The following XYLT1 variants were observed in gnomAD, a reference collection of about 807,000 sequenced individuals.
The protein encoded by XYLT1 is xylosyltransferase 1.
In XYLT1, 36 loss-of-function variants were observed where a neutral mutation model predicts 91.3. The ratio of observed to expected loss-of-function variants is 0.39; its 90% CI spans 0.30 to 0.52. The LOEUF is 0.52. Ranked by LOEUF, XYLT1 falls within the 20% of genes least tolerant of loss-of-function variation. The pLI is 0.68. For synonymous variants in XYLT1, 588 were observed against 532.0 expected, an observed-to-expected ratio of 1.11 and a Z score of -1.45; for missense variants, 1,242 against 1,284.5, an observed-to-expected ratio of 0.97 and a Z score of 0.51.
chr16:17,351,657 A>T (rs1042197182), intron 2 of XYLT1, among the ~76,000 whole-genome samples: 9 of 151,712 alleles, frequency 5.9e-5, no homozygotes, highest in Non-Finnish European at 1.2e-4. Flanking sequence ...TATGGCTGGA[A>T]GTGTCTTTGT....
intron 8 of XYLT1, 100 bp downstream of exon 8, chr16:17,138,255 C>CCATGTGATAAGATGACCTGCAGGT: frequency 7.0e-7 from 1 of 1,426,134 alleles, no homozygotes; most frequent in Non-Finnish European, 9.6e-7. Flanking sequence ...GGTTTGGGCA[C>CCATGTGATAAGATGACCTGCAGGT]CATGTGATAA....
chr16:17,258,655 C>G (rs2033671806), intron 3 of XYLT1, among the ~76,000 whole-genome samples: 1 of 152,176 alleles, frequency 6.6e-6, no homozygotes, highest in South Asian at 2.1e-4. Flanking sequence ...TCCCAATATT[C>G]TACTGAAAGA....
chr16:17,255,412 T>G (rs2033616340), intron 3 of XYLT1, among the ~76,000 whole-genome samples: 2 of 152,172 alleles, frequency 1.3e-5, no homozygotes, highest in Admixed American at 6.5e-5. Flanking sequence ...TGACAAAGAC[T>G]GGCCCCCAAA....
At chr16:17,297,147 A>G (rs577168285) in intron 2 of XYLT1, among the ~76,000 whole-genome samples, 1 of 152,350 alleles carries the variant, frequency 6.6e-6, no homozygotes, top group African/African-American at 2.4e-5. Context: ...CAAAGGATAA[A>G]GCACTTGCTT....
intron 2 of XYLT1, among the ~76,000 whole-genome samples, chr16:17,332,260 G>A (rs2034908974): frequency 6.6e-6 from 1 of 152,188 alleles, no homozygotes; most frequent in South Asian, 2.1e-4. Context: ...GTGAAGTGGA[G>A]GCGATCAAAA....
At chr16:17,278,217 T>C (rs746186311) in intron 2 of XYLT1, among the ~76,000 whole-genome samples, 6 of 152,130 alleles carry the variant, frequency 3.9e-5, no homozygotes, top group Admixed American at 2.0e-4. Flanking sequence ...CTCCCTTTAG[T>C]CCTCAAAGGA....
At chr16:17,138,726 T>G (rs934584275) in intron 7 of XYLT1, 195 bp from the exon 8 acceptor site, 22 of 561,782 alleles carry the variant, frequency 3.9e-5, no homozygotes, top group Non-Finnish European at 6.1e-5. Context: ...CTTTTCTTTA[T>G]AAATTACCAA....
At chr16:17,382,089 T>C (rs577866120) in intron 1 of XYLT1, among the ~76,000 whole-genome samples, 2 of 151,896 alleles carry the variant, frequency 1.3e-5, no homozygotes, top group East Asian at 2.0e-4. Flanking sequence ...CCTCCCTCAA[T>C]TGTCATTGGA....
intron 1 of XYLT1, among the ~76,000 whole-genome samples, chr16:17,415,677 G>A (rs1420366397): frequency 6.6e-6 from 1 of 152,094 alleles, no homozygotes. Flanking sequence ...GGGCTACAGA[G>A]TGAGACTCTG....
intron 2 of XYLT1, among the ~76,000 whole-genome samples, chr16:17,355,785 C>A (rs1392002316): frequency 1.3e-5 from 2 of 152,148 alleles, no homozygotes; most frequent in African/African-American, 4.8e-5. Context: ...TCTTGGCTCA[C>A]TGCAGCCTCT....
chr16:17,254,097 G>C (rs553367216), intron 3 of XYLT1, among the ~76,000 whole-genome samples: 1 of 152,326 alleles, frequency 6.6e-6, no homozygotes, highest in East Asian at 1.9e-4. Context: ...TGTAGGGCTG[G>C]TGTGGGGACA....
At chr16:17,422,037 C>T (rs1206889555) in intron 1 of XYLT1, among the ~76,000 whole-genome samples, 1 of 151,992 alleles carries the variant, frequency 6.6e-6, no homozygotes, top group East Asian at 1.9e-4. Flanking sequence ...GGCTGGAGTG[C>T]AATGGCATGA....
chr16:17,411,649 AT>A (rs2036109716), intron 1 of XYLT1, among the ~76,000 whole-genome samples: 2 of 152,172 alleles, frequency 1.3e-5, no homozygotes, highest in South Asian at 4.1e-4. Context: ...GGGGTCACTG[AT>A]CAAGAGGGTG....
chr16:17,108,919 C>T lies in XYLT1; in HGVS notation c.2656G>A (p.Ala886Thr), dbSNP rs143481827. The T allele has an allele frequency of 2.2e-5, 36 of 1,601,574 alleles. No individual in the cohort carries two copies. The highest frequency in any genetic ancestry group is 1.7e-4 in the Middle Eastern group (1 of 6,040). The change falls in exon 12 of 12, where the codon GCC becomes ACC. Residue 886 changes from alanine (A) to threonine (T), a missense_variant. Ala to Thr is a moderately conservative substitution (Grantham distance 58). Transcript: ENST00000261381. ...TTCCTCCGTGCCTGTTCCACCTGGG[C>T]GGGGTTGATGGGCAGGCTGAGGACG... is the stretch of plus-strand genomic sequence containing the variant. ...NPVLSLPINP[A>T]QVEQARRNAA...
At chr16:17,226,592 A>G (rs887008446) in intron 3 of XYLT1, among the ~76,000 whole-genome samples, 9 of 152,320 alleles carry the variant, frequency 5.9e-5, no homozygotes, top group East Asian at 1.9e-4. Flanking sequence ...GTTTGAGACA[A>G]GCCTGGCCAA....
intron 6 of XYLT1, among the ~76,000 whole-genome samples, chr16:17,150,338 A>T (rs1445356823): frequency 1.3e-5 from 2 of 152,206 alleles, no homozygotes; most frequent in African/African-American, 4.8e-5. Flanking sequence ...AGAATGCTTG[A>T]GGAATTCATT....
intron 3 of XYLT1, among the ~76,000 whole-genome samples, chr16:17,233,790 C>A (rs1018043077): frequency 1.3e-5 from 2 of 152,192 alleles, no homozygotes; most frequent in African/African-American, 4.8e-5. Context: ...GCAGCTTCTA[C>A]CTGCCTACTC....
intron 5 of XYLT1, among the ~76,000 whole-genome samples, chr16:17,194,729 C>T (rs1179209844): frequency 6.6e-6 from 1 of 152,206 alleles, no homozygotes; most frequent in Non-Finnish European, 1.5e-5. Context: ...GAAGGAATAC[C>T]AACTTTGCAA....
chr16:17,294,793 T>G (rs1351488090), intron 2 of XYLT1, among the ~76,000 whole-genome samples: 1 of 151,684 alleles, frequency 6.6e-6, no homozygotes, highest in African/African-American at 2.4e-5. Context: ...AGTTCTAGGG[T>G]CGTTTGGGGC....
Sources: gnomAD v4.1 joint callset for allele counts (sites outside exome capture counted in the v4.1 genomes callset) on GRCh38, gnomAD v4.1.1 for gene constraint, MANE v1.5 for transcripts, NCBI Gene and HGNC (gene_info 2026-07-23, HGNC 2026-07-21) for gene names.